Variants in DAB2 observed in about 807,000 individuals in gnomAD.
DAB2 encodes the protein DAB adaptor protein 2.
A neutral mutation model predicts 71.6 loss-of-function variants in DAB2; 28 were observed. That is an observed-to-expected ratio of 0.39 (90% CI 0.29 to 0.54). DAB2 has a LOEUF of 0.54. DAB2 is among the 20% of genes least tolerant of loss of function. DAB2 has a pLI of 0.68. For synonymous variants in DAB2, 345 were observed against 339.7 expected, an observed-to-expected ratio of 1.02 and a Z score of -0.17; for missense variants, 867 against 928.8, an observed-to-expected ratio of 0.93 and a Z score of 0.86.
At chr5:39,379,970 C>T (rs188082299) in intron 11 of DAB2, among the ~76,000 whole-genome samples, 1 of 152,164 alleles carries the variant, frequency 6.6e-6, no homozygotes, top group African/African-American at 2.4e-5. Context: ...GTTATAGGGT[C>T]CAGCTGTATT....
intron 1 of DAB2, chr5:39,417,904 A>G (rs1470870467): frequency 6.6e-6 from 1 of 152,240 alleles, no homozygotes; most frequent in African/African-American, 2.4e-5. Flanking sequence ...GCTCTCTGAA[A>G]AGCCTCAGCT....
intron 9 of DAB2, among the ~76,000 whole-genome samples, chr5:39,387,298 C>G: frequency 6.6e-6 from 1 of 152,136 alleles, no homozygotes; most frequent in Non-Finnish European, 1.5e-5. Flanking sequence ...AGAGTCCTTT[C>G]TAGACATTTC....
chr5:39,375,948 T>C (rs1476665708), intron 13 of DAB2, 49 bp downstream of exon 13: 2 of 1,341,788 alleles, frequency 1.5e-6, no homozygotes, highest in Admixed American at 3.4e-5. Flanking sequence ...AGGCTGGAGC[T>C]CTATGTGGCA....
chr5:39,389,886 T>C lies in DAB2; in HGVS notation c.509A>G (p.Tyr170Cys), dbSNP rs1194308245. The change falls in exon 6 of 15, where the codon TAT becomes TGT. Residue 170 changes from tyrosine to cysteine, a missense_variant. Physicochemically the swap from Tyr to Cys is radical, Grantham distance 194 (BLOSUM62 -2). Around this residue, in one of 2 missense-constraint regions of DAB2, gnomAD observed 740 missense variants for 734.3 expected, o/e 1.01. Coordinates refer to ENST00000320816, the MANE Select transcript of DAB2 (RefSeq NM_001343.4). ...TTCTTCTTCCTTTTTCTTTACATTA[T>C]AGATAACTTGAAAAAGGTCTTTAAG... ...VDLKDLFQVI[Y>C]NVKKKEEEKK... 7.5e-6 allele frequency: 12 copies of C among 1,595,458 alleles called. 1 individual carries two copies. The highest frequency in any genetic ancestry group is 1.7e-4 in the Middle Eastern group (1 of 5,978).
At chr5:39,405,190 A>G (rs751629891) in intron 1 of DAB2, among the ~76,000 whole-genome samples, 1 of 152,222 alleles carries the variant, frequency 6.6e-6, no homozygotes, top group Non-Finnish European at 1.5e-5. Flanking sequence ...TAAGAAAGAG[A>G]GCAGTGTCAG....
At chr5:39,397,981 A>G (rs1412304643) in intron 1 of DAB2, among the ~76,000 whole-genome samples, 1 of 152,168 alleles carries the variant, frequency 6.6e-6, no homozygotes, top group Non-Finnish European at 1.5e-5. Flanking sequence ...GAGTTCATCA[A>G]TGCATGTGTT....
chr5:39,416,526 C>G (rs141068540), intron 1 of DAB2, among the ~76,000 whole-genome samples: 56 of 152,262 alleles, frequency 3.7e-4, no homozygotes, highest in East Asian at 2.3e-3. Flanking sequence ...TGGCCACCTG[C>G]TCTCTGAAGA....
intron 1 of DAB2, chr5:39,418,182 A>G (rs969140233): frequency 2.6e-5 from 4 of 152,220 alleles, no homozygotes; most frequent in African/African-American, 9.6e-5. Flanking sequence ...AGCACCTACT[A>G]TGTGTAGCCA....
At position 39,403,580 on chromosome 5, in the gene DAB2, C is replaced by T. The variant is rs114949592; in HGVS notation, c.-101-9159G>A. ...CTTTTTGCCTAGGTAGCAGGAGTTA[C>T]TTGGTCAAACTGTCTCATTAATATT... On this transcript the variant is annotated intron_variant, in intron 1 of 14. Coordinates refer to ENST00000320816, the MANE Select transcript of DAB2 (RefSeq NM_001343.4). Among the ~76,000 whole-genome samples, 724 of 152,256 alleles carry T rather than the reference C, an allele frequency of 4.8e-3. 7 individuals are homozygous for T. Among genetic ancestry groups the T allele is most frequent in the African/African-American group, 0.017 (698 of 41,560 alleles).
At chr5:39,374,186 GA>G (rs556998507) in intron 14 of DAB2, among the ~76,000 whole-genome samples, 2 of 151,744 alleles carry the variant, frequency 1.3e-5, no homozygotes, top group Admixed American at 6.6e-5. Flanking sequence ...GACAAGATTG[GA>G]AAAAAAATGG....
intron 1 of DAB2, among the ~76,000 whole-genome samples, chr5:39,424,470 TACAC>T (rs56974213): frequency 0.12 from 16,105 of 134,264 alleles, 1,015 homozygotes; most frequent in Non-Finnish European, 0.14. Context: ...GCAGACCTTT[TACAC>T]ACACACACAC....
chr5:39,377,355 A>G, intron 11 of DAB2, 73 bp from the exon 12 acceptor site: 1 of 1,472,628 alleles, frequency 6.8e-7, no homozygotes, highest in Non-Finnish European at 9.2e-7. Context: ...AGAGAGCACA[A>G]CTCTCTGGAA....
At chr5:39,404,698 C>T (rs531923557) in intron 1 of DAB2, among the ~76,000 whole-genome samples, 2 of 152,176 alleles carry the variant, frequency 1.3e-5, no homozygotes, top group East Asian at 3.9e-4. Context: ...CCTGCCTCAA[C>T]CTCCCAAGTA....
intron 14 of DAB2, 22 bp downstream of exon 14, chr5:39,374,992 C>T: frequency 6.6e-7 from 1 of 1,506,242 alleles, no homozygotes; most frequent in South Asian, 1.1e-5. Context: ...CTGAGACAGG[C>T]TTATTAGGAT....
chr5:39,408,182 G>A (rs890676177), intron 1 of DAB2, among the ~76,000 whole-genome samples: 5 of 152,202 alleles, frequency 3.3e-5, no homozygotes, highest in Non-Finnish European at 7.3e-5. Context: ...TCAGCACAGA[G>A]CAAACTAGGG....
At chr5:39,406,330 C>T (rs951182844) in intron 1 of DAB2, among the ~76,000 whole-genome samples, 2 of 152,112 alleles carry the variant, frequency 1.3e-5, no homozygotes, top group African/African-American at 4.8e-5. Context: ...GACCAGAGGG[C>T]CTGTAGGGAC....
rs368463924 is a variant in DAB2 at position 39,386,934 on chromosome 5, C to T, written c.687+1371G>A. ...CCTGTCAGGATAATCTAGTCTAGTA[C>T]TTTAAAAAGTTTATCCTCAGAACTA... is the stretch of plus-strand genomic sequence containing the variant. On this transcript the variant is annotated intron_variant, in intron 9 of 14. Transcript: ENST00000320816. Among the ~76,000 whole-genome samples, 205 of 152,224 alleles carry T rather than the reference C, an allele frequency of 1.3e-3. 10 individuals carry two copies. In the South Asian group the frequency reaches 0.039, roughly 29 times the overall value.
intron 1 of DAB2, among the ~76,000 whole-genome samples, chr5:39,421,276 T>G (rs966901819): frequency 6.6e-5 from 10 of 152,182 alleles, no homozygotes; most frequent in Non-Finnish European, 1.5e-5. Flanking sequence ...TTGCTTTCAG[T>G]TTTCACAAAG....
chr5:39,403,273 G>A (rs1755541434), intron 1 of DAB2, among the ~76,000 whole-genome samples: 1 of 152,074 alleles, frequency 6.6e-6, no homozygotes, highest in African/African-American at 2.4e-5. Flanking sequence ...TAGCTGGAGG[G>A]GACAAAGCTG....
Sources: allele counts gnomAD v4.1 joint callset (sites outside exome capture counted in the v4.1 genomes callset), GRCh38; gene constraint gnomAD v4.1.1; regional missense constraint gnomAD v4.1.1; transcripts MANE v1.5; gene names NCBI Gene and HGNC (gene_info 2026-07-23, HGNC 2026-07-21).